The following TRO variants were observed in gnomAD, a reference collection of about 807,000 sequenced individuals.
TRO encodes the protein MAGE superfamily protein.
Under a neutral mutation model 42.3 loss-of-function variants are expected in TRO, and 29 were observed. The ratio of observed to expected loss-of-function variants is 0.68; its 90% CI spans 0.51 to 0.93. TRO has a LOEUF of 0.93. TRO is among the 40% of genes least tolerant of loss of function. TRO has a pLI of 0.00. For synonymous variants in TRO, 384 were observed against 425.2 expected, an observed-to-expected ratio of 0.90 and a Z score of 1.19; for missense variants, 963 against 1,127.7, an observed-to-expected ratio of 0.85 and a Z score of 2.09.
At chrX:54,926,842 G>A in intron 9 of TRO, 1 of 639,073 alleles carries the variant, frequency 1.6e-6, no homozygotes, top group Non-Finnish European at 2.3e-6. Context: ...AAGCTGAGAT[G>A]TTAGATAGAC....
rs991467263 is a variant in TRO at position 54,926,754 on chromosome X, G to T, written c.1700+129G>T. On this transcript the variant is annotated intron_variant, in intron 9 of 12. Transcript: ENST00000173898. Reference sequence around the variant, plus strand: ...TGCTGGACTGGGTAGAGGGCCCAGGGTTCTGACCTGGGTGGATGACGGGCA... The same window carrying T: ...TGCTGGACTGGGTAGAGGGCCCAGGTTTCTGACCTGGGTGGATGACGGGCA... The T allele has an allele frequency of 2.0e-5, 20 of 1,015,531 alleles. No individual in the cohort carries two copies. In the African/African-American group the frequency reaches 3.4e-4, roughly 17 times the overall value. 83.7% of individuals were successfully genotyped at this position (1,015,531 alleles called of 1,213,427 possible). A position where few individuals can be genotyped will look rare whatever the true frequency, so the allele number is the denominator to read the frequency against.
Position 54,926,396 on chromosome X carries a change from T to C in TRO, c.1578-14T>C, listed in dbSNP as rs768309226. On this transcript the variant is annotated splice_polypyrimidine_tract_variant and intron_variant, in intron 7 of 12. Transcript: ENST00000173898. Reference sequence around the variant, plus strand: ...TGAAACATAAACCTTCTTTCTGTCCTGTTATTCCCTTAGGACCAAGGACAC... The same window carrying C: ...TGAAACATAAACCTTCTTTCTGTCCCGTTATTCCCTTAGGACCAAGGACAC... 1.2e-5 allele frequency: 15 copies of C among 1,203,153 alleles called. No individual in the cohort carries two copies. Among genetic ancestry groups the C allele is most frequent in the Non-Finnish European group, 1.7e-5 (15 of 889,688 alleles).
intron 3 of TRO, 176 bp downstream of exon 3, chrX:54,923,944 T>C (rs1174827730): frequency 2.0e-6 from 1 of 498,495 alleles, no homozygotes; most frequent in Admixed American, 4.1e-5. Context: ...AGTTCACAGA[T>C]TGGTGAGGAA....
Position 54,931,363 on chromosome X carries a change from G to C in TRO, c.*171G>C. 1 of 1,195,893 alleles carries C rather than the reference G, an allele frequency of 8.4e-7. No homozygotes were observed. The highest frequency in any genetic ancestry group is 1.1e-6 in the Non-Finnish European group (1 of 883,072). ...ATGGAAAAATCTGTTTGCTGTTCCTGCTTTATTGTTTGCTTTCTGTGTGCT... is the reference window on the plus strand; with the variant it reads ...ATGGAAAAATCTGTTTGCTGTTCCTCCTTTATTGTTTGCTTTCTGTGTGCT... On this transcript the variant is annotated 3_prime_UTR_variant, in exon 13 of 13. Transcript: ENST00000173898.
At position 54,923,560 on chromosome X, in the gene TRO, C is replaced by G. The variant is rs759565332; in HGVS notation, c.1028C>G (p.Ala343Gly). The change falls in exon 3 of 13, where the codon GCT (alanine) becomes GGT (glycine). Residue 343 changes from alanine to glycine, a missense_variant. By Grantham distance (60) the Ala-to-Gly change is moderately conservative. Coordinates refer to ENST00000173898, the MANE Select transcript of TRO (RefSeq NM_001039705.3). ...CTGCGGGTCAAGAGAGGGTCTAGGG[C>G]TCGGAAGGCTGCCACTAAGGCTCGG... The part of the protein sequence containing the change: ...ATLRVKRGSR[A>G]RKAATKARAT... The G allele has an allele frequency of 4.2e-6, 5 of 1,194,230 alleles. No individual in the cohort carries two copies. The East Asian group carries it at 1.2e-4, about 29-fold the overall frequency.
chrX:54,930,342 T>A lies in TRO; in HGVS notation c.3618T>A (p.Asn1206Lys). Residue 1206 changes from asparagine (N) to lysine (K), a missense_variant, in exon 12 of 13, where the codon AAT (asparagine) becomes AAA (lysine). This residue lies in a region of TRO where 641 missense variants were observed against 811.3 expected (regional missense o/e 0.79). Coordinates refer to ENST00000173898, the MANE Select transcript of TRO (RefSeq NM_001039705.3). The part of the protein sequence containing the change: ...GFSFGNGLST[N>K]AGFGGGLNTS... ...GCTTTGGCAATGGGTTAAGCACCAA[T>A]GCTGGATTTGGTGGTGGACTGAACA... 8.3e-7 allele frequency: 1 copy of A among 1,211,914 alleles called. No individual in the cohort carries two copies. The highest frequency in any genetic ancestry group is 1.1e-6 in the Non-Finnish European group (1 of 895,465).
Position 54,923,286 on chromosome X carries a change from A to G in TRO, c.754A>G (p.Ile252Val), listed in dbSNP as rs2146539400. Residue 252 changes from isoleucine (I) to valine (V), a missense_variant, in exon 3 of 13, where the codon ATC becomes GTC. Transcript: ENST00000173898. The stretch of plus-strand genomic sequence containing the variant: ...CAGTATCCACACCACAGCAGCCTCC[A>G]TCCGAACCAAGAAAGCCTCCAAAGC... The part of the protein sequence containing the change: ...TASIHTTAAS[I>V]RTKKASKARK... 8.3e-7 allele frequency: 1 copy of G among 1,211,705 alleles called. No individual in the cohort carries two copies. Among genetic ancestry groups the G allele is most frequent in the East Asian group, 3.0e-5 (1 of 33,847 alleles).
At position 54,922,186 on chromosome X, in the gene TRO, C is replaced by G. The variant is rs1464079635; in HGVS notation, c.-44-17C>G. On this transcript the variant is annotated splice_polypyrimidine_tract_variant and intron_variant, in intron 1 of 12. Transcript: ENST00000173898. ...ATGTCTGATGAATCTCCCCCTCCCT[C>G]TCATTCTCTAACTCAGGCCCATTCC... 1 of 1,147,451 alleles carries G rather than the reference C, an allele frequency of 8.7e-7. No homozygotes were observed. Among genetic ancestry groups the G allele is most frequent in the East Asian group, 3.0e-5 (1 of 33,055 alleles). 94.6% of individuals were successfully genotyped at this position (1,147,451 alleles called of 1,213,427 possible). A position where few individuals can be genotyped will look rare whatever the true frequency, so the allele number is the denominator to read the frequency against.
At chrX:54,924,830 A>G in intron 5 of TRO, 97 bp downstream of exon 5, 1 of 996,951 alleles carries the variant, frequency 1.0e-6, no homozygotes, top group Non-Finnish European at 1.4e-6. Context: ...TTGTTCTGTC[A>G]TATCTCCACA....
rs1932169979 is a variant in TRO, at chrX:54,922,230, C to T, written c.-17C>T. Reference sequence around the variant, plus strand: ...CCATTCCCCTCAGGCTCACCTGTTACTCGGCCTCCCAGAAAGATGGATAGG... The same window carrying T: ...CCATTCCCCTCAGGCTCACCTGTTATTCGGCCTCCCAGAAAGATGGATAGG... On this transcript the variant is annotated 5_prime_UTR_variant, in exon 2 of 13. Transcript: ENST00000173898. The T allele has an allele frequency of 8.3e-7, 1 of 1,207,865 alleles. No individual in the cohort carries two copies. The highest frequency in any genetic ancestry group is 1.1e-6 in the Non-Finnish European group (1 of 893,570).
intron 11 of TRO, 84 bp from the exon 12 acceptor site, chrX:54,928,519 T>C: frequency 2.9e-6 from 3 of 1,051,570 alleles, no homozygotes; most frequent in Middle Eastern, 6.1e-4. Flanking sequence ...AAAAAAGTAT[T>C]GCTACTAGTT....
chrX:54,926,521 G>A (rs902292442), intron 8 of TRO, 32 bp downstream of exon 8: 80 of 1,208,485 alleles, frequency 6.6e-5, no homozygotes, highest in Non-Finnish European at 8.7e-5. Flanking sequence ...TGAATGGGCG[G>A]CCATGGTCTG....
Position 54,925,044 on chromosome X carries a change from A to G in TRO, c.1461A>G (p.Glu487=), listed in dbSNP as rs771513063. The G allele has an allele frequency of 3.3e-5, 40 of 1,210,275 alleles. No homozygotes were observed. In the South Asian group the frequency reaches 5.6e-4, roughly 17 times the overall value. Residue 487 remains glutamate (E), a synonymous_variant, in exon 6 of 13, where the codon GAA becomes GAG. Transcript: ENST00000173898. The part of the protein sequence containing the change: ...EYDEYFPEII[E]RASYTLEKMF... ...ATGAATATTTCCCAGAAATCATTGA[A>G]CGAGCAAGCTACACTCTGGAGAAGG...
rs1371844553 is a variant in TRO at position 54,925,638 on chromosome X, ATATTC to A, written c.1534_1538del (p.Ile512HisfsTer39). On this transcript the variant is annotated frameshift_variant, in exon 7 of 13. Coordinates refer to ENST00000173898, the MANE Select transcript of TRO (RefSeq NM_001039705.3). LOFTEE classifies it high-confidence loss of function. ...GAAATTGATAAGCAAAGTAGCTTGT[ATATTC>A]TCATCAGCACTCAGGAATCCTCTGC... The A allele has an allele frequency of 1.7e-6, 2 of 1,211,407 alleles. No individual in the cohort carries two copies. Among genetic ancestry groups the A allele is most frequent in the Non-Finnish European group, 1.1e-6 (1 of 895,225 alleles).
chrX:54,926,247 G>A (rs1053769868), intron 7 of TRO, among the ~76,000 whole-genome samples, 163 bp from the exon 8 acceptor site: 7 of 112,675 alleles, frequency 6.2e-5, no homozygotes, highest in African/African-American at 2.3e-4. Context: ...GGGTGGCATA[G>A]AGCTGGAAGC....
At chrX:54,927,188 T>C in intron 10 of TRO, 83 bp downstream of exon 10, 3 of 1,031,836 alleles carry the variant, frequency 2.9e-6, no homozygotes, top group Middle Eastern at 2.6e-4. Context: ...GTCAGTGCCT[T>C]TCTTATACTA....
chrX:54,923,823 C>G (rs1211190155), intron 3 of TRO, 55 bp downstream of exon 3: 1 of 1,082,491 alleles, frequency 9.2e-7, no homozygotes, highest in Non-Finnish European at 1.2e-6. Context: ...CATTTCTACC[C>G]TTCTAGTTTG....
rs45448595 is a variant in TRO at position 54,925,031 on chromosome X, C to T, written c.1448C>T (p.Pro483Leu). ...DVIQEYDEYF[P>L]EIIERASYTL... ...ATCCAAGAATATGATGAATATTTCC[C>T]AGAAATCATTGAACGAGCAAGCTAC... Residue 483 changes from proline (P) to leucine (L), a missense_variant, in exon 6 of 13, where the codon CCA becomes CTA. Coordinates refer to ENST00000173898, the MANE Select transcript of TRO (RefSeq NM_001039705.3). The T allele has an allele frequency of 0.091, 109,992 of 1,209,571 alleles. 4,097 individuals carry two copies. The highest frequency in any genetic ancestry group is 0.11 in the Non-Finnish European group (98,332 of 894,618).
At chrX:54,927,584 T>C in intron 10 of TRO, 83 bp from the exon 11 acceptor site, 1 of 679,131 alleles carries the variant, frequency 1.5e-6, no homozygotes, top group Non-Finnish European at 2.3e-6. Flanking sequence ...TTGTATTTGT[T>C]TGGAGGAGGT....
Sources: allele counts gnomAD v4.1 joint callset (sites outside exome capture counted in the v4.1 genomes callset), GRCh38; gene constraint gnomAD v4.1.1; regional missense constraint gnomAD v4.1.1; transcripts MANE v1.5; gene names NCBI Gene and HGNC (gene_info 2026-07-23, HGNC 2026-07-21).